The following TPR variants were observed in gnomAD, a reference collection of about 807,000 sequenced individuals.
The protein encoded by TPR is nucleoprotein TPR.
In TPR, 51 loss-of-function variants were observed where a neutral mutation model predicts 316.1. The observed-to-expected ratio is 0.16, with a 90% confidence interval of 0.13 to 0.20. The LOEUF is 0.20. Ranked by LOEUF, TPR falls within the 10% of genes least tolerant of loss-of-function variation. The pLI, the probability that TPR is intolerant of heterozygous loss-of-function variation, is 1.00. For synonymous variants in TPR, 981 were observed against 914.7 expected, an observed-to-expected ratio of 1.07 and a Z score of -1.31; for missense variants, 2,272 against 2,754.8, an observed-to-expected ratio of 0.82 and a Z score of 3.92.
intron 32 of TPR, 114 bp from the exon 33 acceptor site, chr1:186,336,808 A>G: frequency 7.5e-7 from 1 of 1,331,230 alleles, no homozygotes; most frequent in Non-Finnish European, 1.0e-6. Flanking sequence ...ATTAAATGGA[A>G]GTATAAGTAT....
At chr1:186,361,594 T>C (rs781553818) in intron 9 of TPR, 28 bp downstream of exon 9, 25 of 1,590,918 alleles carry the variant, frequency 1.6e-5, no homozygotes, top group Non-Finnish European at 2.2e-5. Flanking sequence ...ATAACAAAAA[T>C]AATGTTCCCA....
intron 42 of TPR, 87 bp downstream of exon 42, chr1:186,325,677 A>G: frequency 9.5e-7 from 1 of 1,056,756 alleles, no homozygotes; most frequent in Non-Finnish European, 1.4e-6. Flanking sequence ...AATTCAATAA[A>G]TAAATTTATA....
intron 18 of TPR, 31 bp downstream of exon 18, chr1:186,353,657 A>G: frequency 6.3e-7 from 1 of 1,596,114 alleles, no homozygotes; most frequent in Non-Finnish European, 8.5e-7. Context: ...GCAACTTATA[A>G]TGCAAGTTGG....
intron 11 of TPR, 113 bp downstream of exon 11, chr1:186,360,160 C>A: frequency 7.5e-7 from 1 of 1,339,628 alleles, no homozygotes; most frequent in South Asian, 1.3e-5. Context: ...CTAGAATGAT[C>A]CACTAATTAT....
rs1193383559 is a variant in TPR, at chr1:186,339,732, T to C, written c.4061A>G (p.Tyr1354Cys). 6.2e-7 allele frequency: 1 copy of C among 1,605,704 alleles called. No individual in the cohort carries two copies. Among genetic ancestry groups the C allele is most frequent in the East Asian group, 2.3e-5 (1 of 44,346 alleles). The change falls in exon 30 of 51, where the codon TAT becomes TGT. Residue 1354 changes from tyrosine (Y) to cysteine (C), a missense_variant. Physicochemically the swap from Tyr to Cys is radical, Grantham distance 194. Around this residue, in one of 10 missense-constraint regions of TPR, gnomAD observed 96 missense variants for 134.6 expected, o/e 0.71. Transcript: ENST00000367478. ...TTCCTTTTCAGAAAGGAGCTTCCGA[T>C]ATTCTTCTGTATCTGGATCTTTCTG... The part of the protein sequence containing the change: ...SQQKDPDTEE[Y>C]RKLLSEKEVH...
chr1:186,312,826 TTACCTCAGCTATATCAC>T lies in TPR; in HGVS notation c.*1128_*1144del. 6.2e-7 allele frequency: 1 copy of T among 1,611,546 alleles called. No individual in the cohort carries two copies. The highest frequency in any genetic ancestry group is 8.5e-7 in the Non-Finnish European group (1 of 1,177,640). On this transcript the variant is annotated 3_prime_UTR_variant, in exon 51 of 51. Transcript: ENST00000367478. ...CTGTGGAGAGGACTTCCAAATGTGG[TTACCTCAGCTATATCAC>T]TGCCCAACATCAGAAAACCTGACGG...
intron 40 of TPR, among the ~76,000 whole-genome samples, chr1:186,327,034 AAT>A (rs1260479386): frequency 6.4e-5 from 3 of 46,744 alleles, no homozygotes; most frequent in African/African-American, 2.6e-4. Context: ...TATATATATA[AAT>A]ATATATAAAT....
Position 186,314,046 on chromosome 1 carries a change from C to T in TPR, c.7037-20G>A. ...TCACACCTGTAAAAGAAAAAAGAAT[C>T]AAATTGAATATATCTTTTAAGAATT... On this transcript the variant is annotated intron_variant, in intron 50 of 50. Transcript: ENST00000367478. 1 of 1,603,590 alleles carries T rather than the reference C, an allele frequency of 6.2e-7. No homozygotes were observed. Among genetic ancestry groups the T allele is most frequent in the South Asian group, 1.1e-5 (1 of 90,198 alleles).
chr1:186,347,041 AC>A (rs1434511386), intron 22 of TPR, among the ~76,000 whole-genome samples: 5 of 152,206 alleles, frequency 3.3e-5, no homozygotes, highest in Admixed American at 1.3e-4. Context: ...TAGACAAATA[AC>A]AATCCCTACC....
rs767564355 is a variant in TPR at position 186,313,739 on chromosome 1, T to C, written c.*232A>G. 6.8e-6 allele frequency: 11 copies of C among 1,609,886 alleles called. No homozygotes were observed. In the Admixed American group the frequency reaches 1.5e-4, roughly 22 times the overall value. Reference sequence around the variant, plus strand: ...CAGCAAGAGCAATTACTACTCGTTCTGGGCAGACCTTATCCAAAGTCTGGT... The same window carrying C: ...CAGCAAGAGCAATTACTACTCGTTCCGGGCAGACCTTATCCAAAGTCTGGT... On this transcript the variant is annotated 3_prime_UTR_variant, in exon 51 of 51. Coordinates refer to ENST00000367478, the MANE Select transcript of TPR (RefSeq NM_003292.3).
chr1:186,352,417 C>T (rs1429359601), intron 18 of TPR, among the ~76,000 whole-genome samples: 7 of 152,230 alleles, frequency 4.6e-5, no homozygotes, highest in African/African-American at 9.6e-5. Context: ...AGCAGAATTG[C>T]ATGACTGCTG....
In TPR at chr1:186,358,640, C is replaced by T. The variant is rs377405525; in HGVS notation, c.1400G>A (p.Arg467Gln). 33 of 1,610,930 alleles carry T rather than the reference C, an allele frequency of 2.0e-5. No homozygotes were observed. The highest frequency in any genetic ancestry group is 3.4e-5 in the Admixed American group (2 of 59,430). ...GGCTTTATCAGTGTCCTCCTGCAAT[C>T]GCTGAATCTCCTTTAAAATGTAAAT... ...KLEQAMKEIQ[R>Q]LQEDTDKANK... Residue 467 changes from arginine (R) to glutamine (Q), a missense_variant, in exon 13 of 51, where the codon CGA (arginine) becomes CAA (glutamine). Coordinates refer to ENST00000367478, the MANE Select transcript of TPR (RefSeq NM_003292.3).
intron 39 of TPR, among the ~76,000 whole-genome samples, chr1:186,329,890 G>A (rs1376234727): frequency 1.3e-5 from 2 of 152,132 alleles, no homozygotes; most frequent in African/African-American, 4.8e-5. Context: ...CAAAAGTACT[G>A]TTTCAAGCTT....
chr1:186,322,453 C>A, intron 44 of TPR, 41 bp from the exon 45 acceptor site: 1 of 1,612,100 alleles, frequency 6.2e-7, no homozygotes, highest in Non-Finnish European at 8.5e-7. Context: ...AAACACCACA[C>A]ATATGGACTA....
chr1:186,370,970 C>T lies in TPR; in HGVS notation c.330G>A (p.Gln110=), dbSNP rs368570217. ...GCTTATTCTAAGAAATATCTCTTAC[C>T]TGAATGGCAATATTGCGATCCTGAG... ...EIAQDRNIAI[Q]SQFTRTKEEL... Residue 110 remains glutamine (Q), a splice_region_variant and synonymous_variant, in exon 3 of 51, where the codon CAG becomes CAA. Coordinates refer to ENST00000367478, the MANE Select transcript of TPR (RefSeq NM_003292.3). 4 of 1,610,956 alleles carry T rather than the reference C, an allele frequency of 2.5e-6. No individual in the cohort carries two copies. Among genetic ancestry groups the T allele is most frequent in the Non-Finnish European group, 2.5e-6 (3 of 1,177,812 alleles).
chr1:186,345,791 T>A (rs1195401752), intron 23 of TPR, 95 bp from the exon 24 acceptor site: 2 of 910,548 alleles, frequency 2.2e-6, no homozygotes, highest in African/African-American at 3.3e-5. Context: ...TCTCATTTTT[T>A]AAGATCCAAT....
chr1:186,318,260 G>A (rs1181192833), intron 48 of TPR, among the ~76,000 whole-genome samples, 187 bp downstream of exon 48: 1 of 151,764 alleles, frequency 6.6e-6, no homozygotes, highest in Non-Finnish European at 1.5e-5. Flanking sequence ...CCCAGGAGGC[G>A]GAGGCTGCAC....
At chr1:186,366,470 C>T (rs1659345934) in intron 4 of TPR, among the ~76,000 whole-genome samples, 1 of 152,120 alleles carries the variant, frequency 6.6e-6, no homozygotes, top group African/African-American at 2.4e-5. Context: ...TAGTTAACAG[C>T]AGTAGTTAAG....
At chr1:186,314,479 AT>A in intron 50 of TPR, 149 bp downstream of exon 50, 1 of 512,226 alleles carries the variant, frequency 2.0e-6, no homozygotes, top group Non-Finnish European at 3.4e-6. Flanking sequence ...AAGTTTACAG[AT>A]TGGTAAATAT....
Sources: gnomAD v4.1 joint callset for allele counts (sites outside exome capture counted in the v4.1 genomes callset) on GRCh38, gnomAD v4.1.1 for gene constraint, gnomAD v4.1.1 regional missense constraint, MANE v1.5 for transcripts, NCBI Gene and HGNC (gene_info 2026-07-23, HGNC 2026-07-21) for gene names.